The following GLYATL2 variants were observed in gnomAD, a reference collection of about 807,000 sequenced individuals.
The protein encoded by GLYATL2 is glycine-N-acyltransferase like 2.
GLYATL2 carries 25 observed loss-of-function variants against 21.4 expected under a neutral mutation model. The observed-to-expected ratio is 1.17, with a 90% CI of 0.85 to 1.63. GLYATL2 has a LOEUF of 1.63. GLYATL2 is among the 40% of genes most tolerant of loss of function. GLYATL2 has a pLI of 0.00. For synonymous variants in GLYATL2, 114 were observed against 118.2 expected, an observed-to-expected ratio of 0.96 and a Z score of 0.23; for missense variants, 361 against 343.3, an observed-to-expected ratio of 1.05 and a Z score of -0.41.
At chr11:58,840,231 T>C (rs994426322) in intron 1 of GLYATL2, among the ~76,000 whole-genome samples, 2 of 152,178 alleles carry the variant, frequency 1.3e-5, no homozygotes, top group African/African-American at 4.8e-5. Context: ...GATCTAGGAA[T>C]TGGAATTATA....
In GLYATL2 at chr11:58,834,422, G is replaced by C; in HGVS notation, c.*7C>G. On this transcript the variant is annotated 3_prime_UTR_variant, in exon 6 of 6. Coordinates refer to ENST00000287275, the MANE Select transcript of GLYATL2 (RefSeq NM_145016.4). ...TAAGAAAGATTTGAAATGGACAGTGGAATCAATCAACAATATTTCTTGGGG... is the reference window on the plus strand; with the variant it reads ...TAAGAAAGATTTGAAATGGACAGTGCAATCAATCAACAATATTTCTTGGGG... 6.4e-7 allele frequency: 1 copy of C among 1,566,770 alleles called. No individual in the cohort carries two copies.
At chr11:58,898,331 G>T (rs1369903264) in intron 1 of GLYATL2, among the ~76,000 whole-genome samples, 1 of 152,014 alleles carries the variant, frequency 6.6e-6, no homozygotes, top group East Asian at 1.9e-4. Flanking sequence ...GTTCCAGATG[G>T]TCAGAATTTC....
intron 1 of GLYATL2, among the ~76,000 whole-genome samples, chr11:58,898,400 C>T (rs1435772578): frequency 6.6e-6 from 1 of 151,960 alleles, no homozygotes; most frequent in Admixed American, 6.6e-5. Context: ...ATTACACTTC[C>T]TGGAGAGCCT....
chr11:58,888,224 G>A (rs1854476856), intron 1 of GLYATL2, among the ~76,000 whole-genome samples: 1 of 152,030 alleles, frequency 6.6e-6, no homozygotes, highest in African/African-American at 2.4e-5. Context: ...ACTAACACAA[G>A]GTGTATGCTA....
At chr11:58,877,130 G>A (rs1159738279) in intron 1 of GLYATL2, among the ~76,000 whole-genome samples, 1 of 152,210 alleles carries the variant, frequency 6.6e-6, no homozygotes, top group African/African-American at 2.4e-5. Context: ...TGATAAGCCT[G>A]TTGGAAAAGC....
At chr11:58,899,443 T>C (rs911735067) in intron 1 of GLYATL2, among the ~76,000 whole-genome samples, 39 of 152,106 alleles carry the variant, frequency 2.6e-4, no homozygotes, top group Non-Finnish European at 4.1e-4. Context: ...ATATTTCCTA[T>C]AAACTCAGGT....
intron 1 of GLYATL2, among the ~76,000 whole-genome samples, chr11:58,886,486 T>C (rs999395976): frequency 5.3e-5 from 8 of 152,224 alleles, no homozygotes; most frequent in African/African-American, 1.9e-4. Context: ...TATATAACCA[T>C]AGGCCCTTCT....
chr11:58,867,710 T>C (rs1297167954), intron 1 of GLYATL2, among the ~76,000 whole-genome samples: 2 of 149,014 alleles, frequency 1.3e-5, no homozygotes, highest in African/African-American at 4.8e-5. Context: ...GGAAGTCACT[T>C]ATGACTAATA....
At chr11:58,883,840 C>G (rs1854388234) in intron 1 of GLYATL2, among the ~76,000 whole-genome samples, 1 of 152,146 alleles carries the variant, frequency 6.6e-6, no homozygotes, top group African/African-American at 2.4e-5. Flanking sequence ...CAAACCGAAT[C>G]CAGCAGCACA....
intron 1 of GLYATL2, chr11:58,892,613 G>A (rs1854563680): frequency 1.1e-5 from 3 of 281,966 alleles, no homozygotes; most frequent in African/African-American, 4.5e-5. Flanking sequence ...AGCAGTGTAA[G>A]TCGAGAACAT....
chr11:58,848,857 T>A (rs1853689480), upstream of GLYATL2, among the ~76,000 whole-genome samples: 1 of 152,158 alleles, frequency 6.6e-6, no homozygotes, highest in Non-Finnish European at 1.5e-5. Context: ...ACAGGAAAGT[T>A]GTAGAACACC....
chr11:58,906,790 A>T (rs1854899342), upstream of GLYATL2, among the ~76,000 whole-genome samples: 1 of 152,158 alleles, frequency 6.6e-6, no homozygotes, highest in Admixed American at 6.5e-5. Context: ...TTACCTTCAT[A>T]GGTTCTGGAG....
At chr11:58,887,046 G>A (rs914744381) in intron 1 of GLYATL2, among the ~76,000 whole-genome samples, 1 of 152,200 alleles carries the variant, frequency 6.6e-6, no homozygotes, top group Non-Finnish European at 1.5e-5. Flanking sequence ...TTTCTTAAAA[G>A]TGTGATATTC....
upstream of GLYATL2, among the ~76,000 whole-genome samples, chr11:58,849,125 TC>T (rs1276389104): frequency 6.6e-6 from 1 of 152,158 alleles, no homozygotes; most frequent in East Asian, 1.9e-4. Flanking sequence ...AAGAATACTT[TC>T]CCAGACAAGA....
At chr11:58,886,150 G>A (rs1036687703) in intron 1 of GLYATL2, among the ~76,000 whole-genome samples, 2 of 152,134 alleles carry the variant, frequency 1.3e-5, no homozygotes, top group African/African-American at 4.8e-5. Context: ...CCAGGAGGTC[G>A]AGGTTGCATT....
chr11:58,905,758 G>GGGGGGGGCC, upstream of GLYATL2: 2 of 27,562 alleles, frequency 7.3e-5, no homozygotes, highest in Non-Finnish European at 7.0e-5. Context: ...GGGCGGGTGG[G>GGGGGGGGCC]CGCGCAGTCC....
chr11:58,906,381 C>T (rs7122307), upstream of GLYATL2, among the ~76,000 whole-genome samples: 144 of 152,180 alleles, frequency 9.5e-4, no homozygotes, highest in Middle Eastern at 3.4e-3. Context: ...CCCTTTGCAC[C>T]CATAGAATGA....
Position 58,834,431 on chromosome 11 carries a change from AACAAT to A in GLYATL2, c.878_882del (p.Tyr293LeufsTer18). Reference sequence around the variant, plus strand: ...TTTGAAATGGACAGTGGAATCAATCAACAATATTTCTTGGGGGTGCATTTCCACTG... The same window carrying A: ...TTTGAAATGGACAGTGGAATCAATCAATTTCTTGGGGGTGCATTTCCACTG... On this transcript the variant is annotated frameshift_variant, in exon 6 of 6. Coordinates refer to ENST00000287275, the MANE Select transcript of GLYATL2 (RefSeq NM_145016.4). LOFTEE classifies it high-confidence loss of function. 1 of 1,576,960 alleles carries A rather than the reference AACAAT, an allele frequency of 6.3e-7. No individual in the cohort carries two copies. The highest frequency in any genetic ancestry group is 8.6e-7 in the Non-Finnish European group (1 of 1,164,272).
chr11:58,861,887 G>T (rs1329561265), intron 1 of GLYATL2, among the ~76,000 whole-genome samples: 1 of 152,008 alleles, frequency 6.6e-6, no homozygotes, highest in Non-Finnish European at 1.5e-5. Flanking sequence ...TATCTGGAAT[G>T]ATAAATAATA....
Sources: allele counts gnomAD v4.1 joint callset (sites outside exome capture counted in the v4.1 genomes callset), GRCh38; gene constraint gnomAD v4.1.1; transcripts MANE v1.5; gene names NCBI Gene and HGNC (gene_info 2026-07-23, HGNC 2026-07-21).